The following ZNF423 variants were observed in gnomAD, a reference collection of about 807,000 sequenced individuals.
ZNF423 encodes zinc finger protein 423.
In ZNF423, 12 loss-of-function variants were observed where a neutral mutation model predicts 95.8. That is an observed-to-expected ratio of 0.13 (90% confidence interval 0.08 to 0.20). The LOEUF is 0.20. Among genes scored for constraint, ZNF423 ranks in the 10% least tolerant of loss-of-function variants. ZNF423 has a pLI of 1.00. For missense variants in ZNF423, 1,316 were observed against 1,737.1 expected (o/e 0.76, Z 4.31); for synonymous variants, 749 against 711.9 (o/e 1.05, Z -0.83).
intron 2 of ZNF423, chr16:49,764,648 T>A (rs868552752): frequency 1.1e-4 from 16 of 152,014 alleles, no homozygotes; most frequent in African/African-American, 3.9e-4. Context: ...ATCTACAGCA[T>A]GGAGATGGCT....
At chr16:49,546,612 G>C (rs1251917563) in intron 5 of ZNF423, among the ~76,000 whole-genome samples, 1 of 152,230 alleles carries the variant, frequency 6.6e-6, no homozygotes, top group Non-Finnish European at 1.5e-5. Flanking sequence ...CAAGACATCA[G>C]AAGGAGGCAC....
intron 1 of ZNF423, among the ~76,000 whole-genome samples, chr16:49,846,057 C>T (rs1022743536): frequency 1.3e-5 from 2 of 151,966 alleles, no homozygotes; most frequent in African/African-American, 2.4e-5. Context: ...TAAAAAGCCA[C>T]GGATGAGGCC....
rs766061450 is a variant in ZNF423, at chr16:49,637,825, A to G, written c.1351T>C (p.Cys451Arg). 6.2e-7 allele frequency: 1 copy of G among 1,614,010 alleles called. No individual in the cohort carries two copies. Among genetic ancestry groups the G allele is most frequent in the Non-Finnish European group, 8.5e-7 (1 of 1,180,038 alleles). Residue 451 changes from cysteine (C) to arginine (R), a missense_variant, in exon 4 of 8, where the codon TGT becomes CGT. By Grantham distance (180) the Cys-to-Arg change is radical. Transcript: ENST00000563137. The surrounding 1 kb of genome is among the most constrained non-coding windows in gnomAD (Gnocchi z 5.6). ...HADKPQQSHT[C>R]QICLDSMPTL... is the part of the protein sequence containing the mutation. Reference sequence around the variant, plus strand: ...GGCATGGAGTCCAGGCAGATCTGACATGTGTGGCTCTGCTGGGGCTTGTCC... The same window carrying G: ...GGCATGGAGTCCAGGCAGATCTGACGTGTGTGGCTCTGCTGGGGCTTGTCC...
chr16:49,850,749 T>C (rs565816182), intron 1 of ZNF423, among the ~76,000 whole-genome samples: 46 of 152,368 alleles, frequency 3.0e-4, no homozygotes, highest in Admixed American at 2.6e-3. Context: ...GATGCCTGCA[T>C]GTCAGAAGTT....
In ZNF423 at chr16:49,708,641, A is replaced by G. The variant is rs142209763; in HGVS notation, c.301+22130T>C. ...CTACCACCTCAGGGACCCCTCCCCG[A>G]CATCCTCCACTGCCCACATGCCACA... is the stretch of plus-strand genomic sequence containing the variant. On this transcript the variant is annotated intron_variant, in intron 3 of 7. Coordinates refer to ENST00000563137, the MANE Select transcript of ZNF423 (RefSeq NM_001379286.1). 2.6e-3 allele frequency among the ~76,000 whole-genome samples: 391 copies of G among 152,230 alleles called. 3 individuals carry two copies. The highest frequency in any genetic ancestry group is 9.1e-3 in the African/African-American group (378 of 41,524).
intron 5 of ZNF423, among the ~76,000 whole-genome samples, chr16:49,614,593 C>T (rs1019674789): frequency 1.3e-5 from 2 of 151,996 alleles, no homozygotes; most frequent in South Asian, 2.1e-4. Context: ...AAAAGGGCAA[C>T]GGGAGGGATT....
At chr16:49,723,628 C>T (rs1160663524) in intron 3 of ZNF423, among the ~76,000 whole-genome samples, 2 of 152,144 alleles carry the variant, frequency 1.3e-5, no homozygotes, top group Admixed American at 6.5e-5. Flanking sequence ...AAAGGCCTTC[C>T]TCACTCTGAT....
chr16:49,720,844 T>A (rs1240530380), intron 3 of ZNF423, among the ~76,000 whole-genome samples: 1 of 152,202 alleles, frequency 6.6e-6, no homozygotes, highest in Non-Finnish European at 1.5e-5. Context: ...GTGGTCTGCA[T>A]GGAGCTGCCC....
intron 1 of ZNF423, among the ~76,000 whole-genome samples, chr16:49,807,154 G>A (rs776958766): frequency 6.6e-6 from 1 of 150,980 alleles, no homozygotes; most frequent in Non-Finnish European, 1.5e-5. Flanking sequence ...AAGCCAGGCC[G>A]GGGGCGGTGG....
chr16:49,678,394 C>T (rs892556514), intron 3 of ZNF423, among the ~76,000 whole-genome samples: 2 of 152,126 alleles, frequency 1.3e-5, no homozygotes, highest in Non-Finnish European at 2.9e-5. Context: ...GTGGGGCGTT[C>T]GAGCTCTGTA....
intron 1 of ZNF423, among the ~76,000 whole-genome samples, chr16:49,829,662 C>A (rs2035041849): frequency 6.6e-6 from 1 of 152,156 alleles, no homozygotes; most frequent in Non-Finnish European, 1.5e-5. Context: ...CATGCCCTAC[C>A]TCCAGATTGG....
intron 3 of ZNF423, among the ~76,000 whole-genome samples, chr16:49,705,102 T>G (rs1163727232): frequency 6.6e-6 from 1 of 152,112 alleles, no homozygotes; most frequent in East Asian, 1.9e-4. Context: ...GGGAAAAAGG[T>G]GGGAGGGCAC....
intron 5 of ZNF423, among the ~76,000 whole-genome samples, chr16:49,527,327 T>C (rs899184711): frequency 3.9e-5 from 6 of 152,200 alleles, no homozygotes; most frequent in African/African-American, 1.4e-4. Context: ...GAAAAGGAAT[T>C]CATTGACAAG....
chr16:49,652,204 C>T (rs975550097), intron 3 of ZNF423, among the ~76,000 whole-genome samples: 1 of 152,004 alleles, frequency 6.6e-6, no homozygotes, highest in Non-Finnish European at 1.5e-5. Context: ...GGCAAGGACG[C>T]GTCCACCTTT....
At chr16:49,700,215 A>AAAAAGAAG (rs1555473664) in intron 3 of ZNF423, among the ~76,000 whole-genome samples, 2 of 136,114 alleles carry the variant, frequency 1.5e-5, no homozygotes, top group African/African-American at 5.8e-5. Context: ...AAAAAAAAAA[A>AAAAAGAAG]AACAAGAAGA....
At chr16:49,657,434 A>G (rs6500238) in intron 3 of ZNF423, among the ~76,000 whole-genome samples, 117,607 of 151,964 alleles carry the variant, frequency 0.77, 45,901 homozygotes, top group African/African-American at 0.87. Context: ...TGTGTGCATC[A>G]TGGCCAGTGG....
At position 49,636,046 on chromosome 16, in the gene ZNF423, T is replaced by G. The variant is rs755306454; in HGVS notation, c.3130A>C (p.Lys1044Gln). The G allele has an allele frequency of 6.2e-7, 1 of 1,612,852 alleles. No individual in the cohort carries two copies. Among genetic ancestry groups the G allele is most frequent in the Non-Finnish European group, 8.5e-7 (1 of 1,179,174 alleles). Reference protein sequence around the residue: ...MQTVTSTLELKIHGTFHMQKL... With the variant: ...MQTVTSTLELQIHGTFHMQKL... ...TGCATGTGGAAGGTGCCATGGATCT[T>G]GAGCTCAAGCGTGGAAGTGACTGTC... is the stretch of plus-strand genomic sequence containing the variant. Residue 1044 changes from lysine (K) to glutamine (Q), a missense_variant, in exon 4 of 8, where the codon AAG becomes CAG. By Grantham distance (53) the Lys-to-Gln change is moderately conservative. This residue lies in a region of ZNF423 where 620 missense variants were observed against 775.6 expected (regional missense o/e 0.80). Transcript: ENST00000563137. This position sits in a 1 kb window ranked among gnomAD's most constrained non-coding sequence, Gnocchi z 8.6.
In ZNF423 at chr16:49,670,369, A is replaced by C. The variant is rs183279864; in HGVS notation, c.302-31495T>G. On this transcript the variant is annotated intron_variant, in intron 3 of 7. Transcript: ENST00000563137. ...AAAAAAATATGACTCCTTGCAAAAG[A>C]AGCAGACTGCACCATGTGTCCCAGC... is the stretch of plus-strand genomic sequence containing the variant. Among the ~76,000 whole-genome samples the C allele has an allele frequency of 2.8e-3, 434 of 152,376 alleles. 10 individuals are homozygous for C. The highest frequency in any genetic ancestry group is 7.6e-4 in the Non-Finnish European group (52 of 68,036).
chr16:49,644,658 C>CAAAAAAAAAAA (rs56066766), intron 3 of ZNF423, among the ~76,000 whole-genome samples: 1 of 39,566 alleles, frequency 2.5e-5, no homozygotes, highest in Non-Finnish European at 4.3e-5. Flanking sequence ...AACTCTGACT[C>CAAAAAAAAAAA]AAAAAAAAAA....
Sources: gnomAD v4.1 joint callset for allele counts (sites outside exome capture counted in the v4.1 genomes callset) on GRCh38, gnomAD v4.1.1 for gene constraint, gnomAD v4.1.1 regional missense constraint, Gnocchi (gnomAD v3.1) non-coding constraint, MANE v1.5 for transcripts, NCBI Gene and HGNC (gene_info 2026-07-23, HGNC 2026-07-21) for gene names.